Variants in PRDM1 observed in about 807,000 individuals in gnomAD.
PRDM1 encodes PR domain zinc finger protein 1.
PRDM1 carries 13 observed loss-of-function variants against 62.8 expected under a neutral mutation model. The ratio of observed to expected loss-of-function variants is 0.21; its 90% CI spans 0.13 to 0.33. PRDM1 has a LOEUF of 0.33. Among genes scored for constraint, PRDM1 ranks in the 10% least tolerant of loss-of-function variants. PRDM1 has a pLI of 1.00. For synonymous variants in PRDM1, 396 were observed against 417.6 expected, an observed-to-expected ratio of 0.95 and a Z score of 0.63; for missense variants, 895 against 1,058.8, an observed-to-expected ratio of 0.85 and a Z score of 2.15.
intron 1 of PRDM1, among the ~76,000 whole-genome samples, chr6:106,008,962 G>A (rs1026034090): frequency 1.3e-5 from 2 of 152,094 alleles, no homozygotes; most frequent in African/African-American, 2.4e-5. Flanking sequence ...TTCCCGCAGC[G>A]GTGGCCAGGT....
At chr6:106,035,114 A>G (rs1554200543) in intron 1 of PRDM1, among the ~76,000 whole-genome samples, 1 of 152,036 alleles carries the variant, frequency 6.6e-6, no homozygotes, top group Non-Finnish European at 1.5e-5. Flanking sequence ...TGTTTGTTCT[A>G]TTCTTTATTG....
At chr6:106,033,391 G>A (rs988913805) in intron 1 of PRDM1, among the ~76,000 whole-genome samples, 7 of 150,818 alleles carry the variant, frequency 4.6e-5, no homozygotes, top group African/African-American at 1.7e-4. Flanking sequence ...GACTTCAAGC[G>A]ATCCTCCTGC....
chr6:106,092,516 G>A (rs1773993230), intron 2 of PRDM1, among the ~76,000 whole-genome samples: 1 of 152,204 alleles, frequency 6.6e-6, no homozygotes, highest in Non-Finnish European at 1.5e-5. Flanking sequence ...TGAGTTAGGT[G>A]AACACATTCT....
intron 1 of PRDM1, among the ~76,000 whole-genome samples, chr6:106,059,800 A>G (rs2114591558): frequency 6.6e-6 from 1 of 152,350 alleles, no homozygotes; most frequent in South Asian, 2.1e-4. Flanking sequence ...TTTGGAAGAT[A>G]AAGCAAGTAA....
chr6:106,021,168 G>A (rs1042453538), intron 1 of PRDM1, among the ~76,000 whole-genome samples: 3 of 152,224 alleles, frequency 2.0e-5, no homozygotes, highest in Non-Finnish European at 4.4e-5. Flanking sequence ...CTGATGCCAA[G>A]TATAAACTGA....
intron 1 of PRDM1, among the ~76,000 whole-genome samples, chr6:106,032,368 G>T (rs570731457): frequency 2.8e-5 from 4 of 143,886 alleles, no homozygotes; most frequent in Non-Finnish European, 6.0e-5. Context: ...GTTTCATCAC[G>T]TTGCCCAGGT....
chr6:106,060,726 T>C lies in PRDM1; in HGVS notation c.-67+12012T>C, dbSNP rs575480296. On this transcript the variant is annotated intron_variant, in intron 1 of 6. Transcript: ENST00000651185. ...GTAAAAACGTGCTGGGAAGACTAAA[T>C]AGGAGGAGGTTAGAGACAGAGGCTT... is the stretch of plus-strand genomic sequence containing the variant. Among the ~76,000 whole-genome samples the C allele has an allele frequency of 4.6e-5, 7 of 151,970 alleles. No homozygotes were observed. In the South Asian group the frequency reaches 1.5e-3, roughly 32 times the overall value.
chr6:106,022,101 G>A (rs1230353266), intron 1 of PRDM1, among the ~76,000 whole-genome samples: 1 of 152,182 alleles, frequency 6.6e-6, no homozygotes, highest in Middle Eastern at 3.2e-3. Flanking sequence ...GAGCTTAAGA[G>A]GTACAGGTGT....
intron 1 of PRDM1, among the ~76,000 whole-genome samples, chr6:106,000,706 T>G (rs1044348413): frequency 7.2e-5 from 11 of 152,196 alleles, no homozygotes; most frequent in African/African-American, 2.7e-4. Context: ...AGCATTATGT[T>G]TTTCTGAGAT....
intron 2 of PRDM1, among the ~76,000 whole-genome samples, chr6:106,090,639 A>T (rs1773937680): frequency 6.6e-6 from 1 of 152,238 alleles, no homozygotes. Flanking sequence ...AGCAACATTA[A>T]GGATTGATGA....
intron 1 of PRDM1, among the ~76,000 whole-genome samples, chr6:106,010,156 A>G (rs1020819171): frequency 6.6e-6 from 1 of 152,158 alleles, no homozygotes; most frequent in Admixed American, 6.5e-5. Flanking sequence ...GGGCCTCTAC[A>G]AACTAATTTA....
chr6:106,055,762 T>G (rs1024995119), intron 1 of PRDM1, among the ~76,000 whole-genome samples: 6 of 152,238 alleles, frequency 3.9e-5, no homozygotes, highest in African/African-American at 1.4e-4. Context: ...TTAACTAACT[T>G]TCTTGCCATG....
intron 1 of PRDM1, among the ~76,000 whole-genome samples, chr6:106,022,554 A>G (rs1772707978): frequency 6.6e-6 from 1 of 151,294 alleles, no homozygotes; most frequent in African/African-American, 2.4e-5. Context: ...CCTCTCAAGT[A>G]GCTGGGGTTA....
At chr6:106,030,408 A>G (rs1365252984) in intron 1 of PRDM1, among the ~76,000 whole-genome samples, 1 of 152,130 alleles carries the variant, frequency 6.6e-6, no homozygotes, top group Non-Finnish European at 1.5e-5. Context: ...CCTGGCCTCA[A>G]GCAATCCTCC....
intron 1 of PRDM1, among the ~76,000 whole-genome samples, chr6:106,019,253 C>CAAAAAA (rs55704256): frequency 2.9e-5 from 2 of 69,630 alleles, no homozygotes; most frequent in African/African-American, 6.0e-5. Flanking sequence ...GACTCCATCT[C>CAAAAAA]AAAAAAAAAA....
At chr6:106,023,833 T>C (rs999936660) in intron 1 of PRDM1, among the ~76,000 whole-genome samples, 2 of 152,188 alleles carry the variant, frequency 1.3e-5, no homozygotes, top group Non-Finnish European at 1.5e-5. Flanking sequence ...ACTTTTTCTC[T>C]GATAAAAGAT....
At chr6:105,996,513 A>T (rs1391933268) in intron 1 of PRDM1, among the ~76,000 whole-genome samples, 1 of 152,156 alleles carries the variant, frequency 6.6e-6, no homozygotes, top group Non-Finnish European at 1.5e-5. Flanking sequence ...TTTCCTACAC[A>T]TTGGAAAGAG....
chr6:106,015,930 T>C (rs1353937524), intron 1 of PRDM1, among the ~76,000 whole-genome samples: 1 of 152,204 alleles, frequency 6.6e-6, no homozygotes. Context: ...CAACATTATC[T>C]GTTTCTAGAA....
chr6:106,105,257 G>C lies in PRDM1; in HGVS notation c.1097G>C (p.Gly366Ala), dbSNP rs1774427831. The C allele has an allele frequency of 6.2e-7, 1 of 1,613,620 alleles. No individual in the cohort carries two copies. Among genetic ancestry groups the C allele is most frequent in the Non-Finnish European group, 8.5e-7 (1 of 1,179,972 alleles). Residue 366 changes from glycine to alanine, a missense_variant, in exon 5 of 7, where the codon GGC (glycine) becomes GCC (alanine). Coordinates refer to ENST00000369096, the MANE Select transcript of PRDM1 (RefSeq NM_001198.4). Reference sequence around the variant, plus strand: ...AATACGGTGTCCCCTGTGGGCCCCGGCTCTCAAGAGCACCGGGACTCCTAC... The same window carrying C: ...AATACGGTGTCCCCTGTGGGCCCCGCCTCTCAAGAGCACCGGGACTCCTAC... ...PGNTVSPVGP[G>A]SQEHRDSYAY...
Sources: gnomAD v4.1 joint callset for allele counts (sites outside exome capture counted in the v4.1 genomes callset) on GRCh38, gnomAD v4.1.1 for gene constraint, MANE v1.5 for transcripts, NCBI Gene and HGNC (gene_info 2026-07-23, HGNC 2026-07-21) for gene names.